The following ME1 variants were observed in gnomAD, a reference collection of about 807,000 sequenced individuals.
ME1 encodes malic enzyme 1.
ME1 carries 74 observed loss-of-function variants against 66.4 expected under a neutral mutation model. That is an observed-to-expected ratio of 1.11 (90% confidence interval 0.92 to 1.35). The LOEUF is 1.35. Ranked by LOEUF, ME1 falls within the 40% of genes most tolerant of loss-of-function variation. The pLI is 0.00. For missense variants in ME1, 750 were observed against 694.1 expected (o/e 1.08, Z -0.90); for synonymous variants, 251 against 235.6 (o/e 1.07, Z -0.60).
intron 1 of ME1, among the ~76,000 whole-genome samples, chr6:83,429,999 T>A (rs1407305305): frequency 2.0e-5 from 3 of 151,766 alleles, no homozygotes; most frequent in Admixed American, 6.6e-5. Flanking sequence ...AAATGATAAA[T>A]TCGGAGGTAT....
intron 6 of ME1, among the ~76,000 whole-genome samples, chr6:83,289,605 G>C (rs1228026254): frequency 1.3e-5 from 2 of 151,956 alleles, no homozygotes; most frequent in East Asian, 3.9e-4. Flanking sequence ...TTTTTTTGTT[G>C]TGTCTCTGCC....
intron 3 of ME1, 28 bp downstream of exon 3, chr6:83,398,339 G>C (rs1223638430): frequency 6.7e-7 from 1 of 1,493,590 alleles, no homozygotes; most frequent in Non-Finnish European, 9.0e-7. Context: ...AAAGACACAA[G>C]TTGCATATAA....
At chr6:83,248,543 C>T (rs1201914194) in intron 7 of ME1, among the ~76,000 whole-genome samples, 5 of 152,126 alleles carry the variant, frequency 3.3e-5, no homozygotes, top group African/African-American at 7.2e-5. Context: ...GTAATCTCCA[C>T]ATGTTGAGGG....
At chr6:83,421,506 A>G (rs1583428293) in intron 1 of ME1, among the ~76,000 whole-genome samples, 1 of 152,248 alleles carries the variant, frequency 6.6e-6, no homozygotes, top group Non-Finnish European at 1.5e-5. Flanking sequence ...TGAAAAATAC[A>G]TGATAGCAGA....
chr6:83,216,261 A>G (rs1222078921), intron 13 of ME1, among the ~76,000 whole-genome samples: 3 of 152,182 alleles, frequency 2.0e-5, no homozygotes, highest in African/African-American at 7.2e-5. Context: ...ATTTTAGGAG[A>G]AAAAAAGAAC....
chr6:83,238,799 A>T (rs1738638), intron 8 of ME1, among the ~76,000 whole-genome samples: 7,136 of 138,980 alleles, frequency 0.051, 584 homozygotes, highest in African/African-American at 0.16. Context: ...TTTCTTGAAA[A>T]ATATATATAT....
intron 3 of ME1, among the ~76,000 whole-genome samples, chr6:83,388,090 CCTTT>C (rs1561999497): frequency 9.1e-6 from 1 of 110,452 alleles, no homozygotes; most frequent in Non-Finnish European, 1.9e-5. Flanking sequence ...TTCCTTCCTT[CCTTT>C]TTTTTTTTGG....
intron 12 of ME1, among the ~76,000 whole-genome samples, chr6:83,221,628 G>A (rs998809927): frequency 4.6e-5 from 7 of 151,998 alleles, no homozygotes; most frequent in African/African-American, 1.7e-4. Flanking sequence ...GCATGTCTGT[G>A]GAATTACCCA....
intron 6 of ME1, among the ~76,000 whole-genome samples, chr6:83,273,296 G>C (rs981131277): frequency 1.3e-5 from 2 of 151,594 alleles, no homozygotes; most frequent in African/African-American, 4.8e-5. Flanking sequence ...GTAACTATGA[G>C]CAAATCTTTT....
chr6:83,237,694 G>A (rs770420853), intron 9 of ME1, 23 bp downstream of exon 9: 22 of 1,393,170 alleles, frequency 1.6e-5, no homozygotes, highest in Non-Finnish European at 2.2e-5. Context: ...TCTTTATTCT[G>A]GTTAAAAATG....
intron 6 of ME1, among the ~76,000 whole-genome samples, chr6:83,275,077 C>T (rs1407470127): frequency 6.6e-6 from 1 of 152,050 alleles, no homozygotes; most frequent in African/African-American, 2.4e-5. Flanking sequence ...CTTACGTCTG[C>T]AATCCCAGCA....
At chr6:83,287,615 C>G (rs1018645795) in intron 6 of ME1, among the ~76,000 whole-genome samples, 1 of 152,120 alleles carries the variant, frequency 6.6e-6, no homozygotes, top group African/African-American at 2.4e-5. Flanking sequence ...AATAAACATA[C>G]GTGTGCATGT....
intron 1 of ME1, among the ~76,000 whole-genome samples, chr6:83,424,509 C>A (rs546796631): frequency 6.6e-6 from 1 of 152,198 alleles, no homozygotes; most frequent in African/African-American, 2.4e-5. Flanking sequence ...TGTGTATCAA[C>A]AATTACATTA....
intron 6 of ME1, among the ~76,000 whole-genome samples, chr6:83,298,231 C>T (rs891550980): frequency 1.3e-5 from 2 of 152,094 alleles, no homozygotes; most frequent in Non-Finnish European, 1.5e-5. Context: ...TCTGTTGTTT[C>T]TTGACTTTTT....
At chr6:83,253,117 T>A (rs961322435) in intron 7 of ME1, among the ~76,000 whole-genome samples, 5 of 151,832 alleles carry the variant, frequency 3.3e-5, no homozygotes, top group African/African-American at 1.2e-4. Context: ...TATTGGGGGG[T>A]GGGCTCTGCA....
chr6:83,274,054 T>C lies in ME1; in HGVS notation c.705-20316A>G, dbSNP rs556417712. 2.0e-5 allele frequency among the ~76,000 whole-genome samples: 3 copies of C among 152,306 alleles called. No individual in the cohort carries two copies. In the South Asian group the frequency reaches 6.2e-4, roughly 32 times the overall value. On this transcript the variant is annotated intron_variant, in intron 6 of 13. Transcript: ENST00000369705. Reference sequence around the variant, plus strand: ...GCTACCTTTCCAAAATCTGGCTCCTTTCCTCTGATGTGCTAATACTCAAAT... The same window carrying C: ...GCTACCTTTCCAAAATCTGGCTCCTCTCCTCTGATGTGCTAATACTCAAAT...
chr6:83,355,956 A>G (rs1768881545), intron 3 of ME1, among the ~76,000 whole-genome samples: 1 of 152,148 alleles, frequency 6.6e-6, no homozygotes, highest in African/African-American at 2.4e-5. Flanking sequence ...TTCATGTTAG[A>G]ATTGAGACAA....
At chr6:83,344,501 T>A (rs1038347909) in intron 5 of ME1, among the ~76,000 whole-genome samples, 2 of 151,870 alleles carry the variant, frequency 1.3e-5, no homozygotes, top group African/African-American at 4.8e-5. Context: ...GAGAATCACA[T>A]GAGTATGGGA....
chr6:83,343,248 C>T lies in ME1; in HGVS notation c.600+2925G>A, dbSNP rs1487515197. Among the ~76,000 whole-genome samples the T allele has an allele frequency of 5.9e-5, 9 of 152,058 alleles. No individual in the cohort carries two copies. The East Asian group carries it at 1.5e-3, about 26-fold the overall frequency. Reference sequence around the variant, plus strand: ...CTCCATGAGATCAACTTTTTTAGCCCGGGTGTGAGAACATGGGATATTTGT... The same window carrying T: ...CTCCATGAGATCAACTTTTTTAGCCTGGGTGTGAGAACATGGGATATTTGT... On this transcript the variant is annotated intron_variant, in intron 5 of 13. Coordinates refer to ENST00000369705, the MANE Select transcript of ME1 (RefSeq NM_002395.6).
Sources: allele counts gnomAD v4.1 joint callset (sites outside exome capture counted in the v4.1 genomes callset), GRCh38; gene constraint gnomAD v4.1.1; transcripts MANE v1.5; gene names NCBI Gene and HGNC (gene_info 2026-07-23, HGNC 2026-07-21).